GLIS3: variants seen among roughly 807,000 people sequenced by gnomAD.
GLIS3 encodes zinc finger protein GLIS3.
A neutral mutation model predicts 78.6 loss-of-function variants in GLIS3; 53 were observed. The ratio of observed to expected loss-of-function variants is 0.67; its 90% CI spans 0.54 to 0.85. The LOEUF (loss-of-function observed/expected upper bound fraction) is 0.85, where lower values mean the gene tolerates loss of function less well. GLIS3 is among the 40% of genes least tolerant of loss of function. The pLI is 0.00. For synonymous variants in GLIS3, 684 were observed against 509.9 expected, an observed-to-expected ratio of 1.34 and a Z score of -4.60; for missense variants, 1,703 against 1,231.1, an observed-to-expected ratio of 1.38 and a Z score of -5.74.
At chr9:4,188,566 T>C (rs570404035) in intron 2 of GLIS3, among the ~76,000 whole-genome samples, 1 of 151,944 alleles carries the variant, frequency 6.6e-6, no homozygotes, top group African/African-American at 2.4e-5. Flanking sequence ...GTTTCAGAAG[T>C]AATGGTACCA....
At chr9:4,364,737 A>T in the GLIS3 span, among the ~76,000 whole-genome samples, 2 of 111,510 alleles carry the variant, frequency 1.8e-5, no homozygotes, top group African/African-American at 6.4e-5. Context: ...TTATGTATTC[A>T]TGCTGTCATC....
At chr9:3,998,376 A>C (rs1820887688) in intron 4 of GLIS3, among the ~76,000 whole-genome samples, 1 of 152,192 alleles carries the variant, frequency 6.6e-6, no homozygotes, top group African/African-American at 2.4e-5. Context: ...CATTTAATAG[A>C]GTCAATTCAA....
intron 2 of GLIS3, among the ~76,000 whole-genome samples, chr9:4,260,398 C>G (rs941112762): frequency 6.6e-6 from 1 of 152,012 alleles, no homozygotes; most frequent in Admixed American, 6.6e-5. Context: ...AACCCCAACT[C>G]TACTAAAAAA....
chr9:4,417,956 C>G, the GLIS3 span, among the ~76,000 whole-genome samples: 4 of 152,154 alleles, frequency 2.6e-5, no homozygotes, highest in Non-Finnish European at 5.9e-5. Context: ...TTCAATGTGA[C>G]AACTCTTTTT....
At chr9:3,937,321 A>G (rs1229343190) in intron 4 of GLIS3, 132 bp from the exon 5 acceptor site, 1 of 863,740 alleles carries the variant, frequency 1.2e-6, no homozygotes, top group African/African-American at 1.7e-5. Flanking sequence ...TCCAAACAGT[A>G]ATAAATATTG....
chr9:4,254,608 G>A (rs891818556), intron 2 of GLIS3, among the ~76,000 whole-genome samples: 1 of 152,182 alleles, frequency 6.6e-6, no homozygotes, highest in Non-Finnish European at 1.5e-5. Flanking sequence ...GGGAGGCTGA[G>A]GCAGGCAGAT....
At chr9:3,968,526 G>A (rs893057217) in intron 4 of GLIS3, among the ~76,000 whole-genome samples, 2 of 152,034 alleles carry the variant, frequency 1.3e-5, no homozygotes. Context: ...ATATATTAAG[G>A]AAAAATGTTT....
At chr9:4,284,759 A>G (rs1297463587) in intron 2 of GLIS3, among the ~76,000 whole-genome samples, 1 of 148,250 alleles carries the variant, frequency 6.7e-6, no homozygotes, top group African/African-American at 2.5e-5. Context: ...AAAAAAAAAG[A>G]AAAAAAAAAT....
intron 2 of GLIS3, among the ~76,000 whole-genome samples, chr9:4,332,779 G>A (rs796780418): frequency 6.6e-6 from 1 of 152,082 alleles, no homozygotes. Context: ...AATGTACATA[G>A]GTGTTCCTCT....
intron 2 of GLIS3, among the ~76,000 whole-genome samples, chr9:4,260,227 T>C (rs1825381543): frequency 6.6e-6 from 1 of 152,120 alleles, no homozygotes; most frequent in Admixed American, 6.5e-5. Flanking sequence ...GGTCAAGAGA[T>C]TGAGACCATC....
chr9:4,384,743 G>A, the GLIS3 span, among the ~76,000 whole-genome samples: 1 of 152,048 alleles, frequency 6.6e-6, no homozygotes, highest in Non-Finnish European at 1.5e-5. Context: ...TTCACCAGCT[G>A]GTTAATATCC....
intron 4 of GLIS3, among the ~76,000 whole-genome samples, chr9:4,106,805 A>G (rs762709656): frequency 6.6e-6 from 1 of 152,202 alleles, no homozygotes; most frequent in Admixed American, 6.6e-5. Context: ...TGCCCTTGAT[A>G]ATGAGCAGAT....
intron 2 of GLIS3, among the ~76,000 whole-genome samples, chr9:4,208,412 A>G (rs1253771041): frequency 1.3e-5 from 2 of 152,236 alleles, no homozygotes; most frequent in South Asian, 2.1e-4. Flanking sequence ...GGACTGAGCA[A>G]GGATCATGCC....
At chr9:4,330,199 G>A (rs73641430) in intron 2 of GLIS3, among the ~76,000 whole-genome samples, 13,891 of 152,226 alleles carry the variant, frequency 0.091, 1,080 homozygotes, top group East Asian at 0.21. Context: ...GATTTTGCCA[G>A]TAGAAGGAAA....
At chr9:3,856,286 A>C (rs1819784796) in intron 8 of GLIS3, 102 bp from the exon 9 acceptor site, 3 of 1,026,458 alleles carry the variant, frequency 2.9e-6, no homozygotes, top group Non-Finnish European at 4.5e-6. Flanking sequence ...TGGCTATACA[A>C]GAGCGTGACA....
the GLIS3 span, among the ~76,000 whole-genome samples, chr9:4,370,725 A>C: frequency 6.6e-6 from 1 of 151,510 alleles, no homozygotes; most frequent in Non-Finnish European, 1.5e-5. Context: ...ATTTTTAATT[A>C]ATTAAATTTA....
the GLIS3 span, among the ~76,000 whole-genome samples, chr9:4,358,651 A>G: frequency 1.1e-3 from 172 of 152,220 alleles, 1 homozygote; most frequent in African/African-American, 3.9e-3. Flanking sequence ...CCACATTCAC[A>G]TGGCCTTGGC....
intron 8 of GLIS3, among the ~76,000 whole-genome samples, chr9:3,864,982 G>A (rs1434338935): frequency 6.6e-6 from 1 of 152,092 alleles, no homozygotes; most frequent in African/African-American, 2.4e-5. Context: ...CAATTCCTGT[G>A]CCCAGGTAGA....
chr9:4,373,303 T>C, the GLIS3 span, among the ~76,000 whole-genome samples: 1 of 152,204 alleles, frequency 6.6e-6, no homozygotes, highest in Non-Finnish European at 1.5e-5. Context: ...AATCAGTAGT[T>C]TCCCATCCTG....
Sources: gnomAD v4.1 joint callset for allele counts (sites outside exome capture counted in the v4.1 genomes callset) on GRCh38, gnomAD v4.1.1 for gene constraint, MANE v1.5 for transcripts, NCBI Gene and HGNC (gene_info 2026-07-23, HGNC 2026-07-21) for gene names.